PAK3: variants seen among roughly 807,000 people sequenced by gnomAD.
PAK3 encodes the protein serine/threonine-protein kinase PAK 3.
A neutral mutation model predicts 41.0 loss-of-function variants in PAK3; 4 were observed. That is an observed-to-expected ratio of 0.10 (90% CI 0.05 to 0.22). The LOEUF is 0.22. Among genes scored for constraint, PAK3 ranks in the 10% least tolerant of loss-of-function variants. PAK3 has a pLI of 1.00. For missense variants in PAK3, 205 were observed against 409.9 expected (o/e 0.50, Z 4.32); for synonymous variants, 146 against 139.6 (o/e 1.05, Z -0.32).
At chrX:111,169,712 T>A (rs1344552284) in intron 10 of PAK3, among the ~76,000 whole-genome samples, 1 of 111,642 alleles carries the variant, frequency 9.0e-6, no homozygotes, top group Non-Finnish European at 1.9e-5. Context: ...GAACTCTGAC[T>A]TATTCAGTGT....
chrX:111,115,238 T>G (rs1432952575), intron 4 of PAK3, among the ~76,000 whole-genome samples: 3 of 112,349 alleles, frequency 2.7e-5, no homozygotes, highest in Non-Finnish European at 5.6e-5. Flanking sequence ...ATTATGAACT[T>G]GTATAAGCTG....
chrX:111,042,165 G>T (rs1352896630), intron 1 of PAK3, among the ~76,000 whole-genome samples: 2 of 111,743 alleles, frequency 1.8e-5, no homozygotes, highest in African/African-American at 6.5e-5. Flanking sequence ...CTGGAGAGAT[G>T]TGTGGTACCC....
chrX:111,215,214 T>C (rs1342547137), intron 16 of PAK3, among the ~76,000 whole-genome samples: 2 of 111,795 alleles, frequency 1.8e-5, no homozygotes, highest in Non-Finnish European at 3.8e-5. Flanking sequence ...TACTAAATGC[T>C]CTTGAATTGT....
chrX:111,012,304 C>T (rs1399952836), intron 1 of PAK3, among the ~76,000 whole-genome samples: 1 of 111,836 alleles, frequency 8.9e-6, no homozygotes, highest in Non-Finnish European at 1.9e-5. Context: ...CAATAATCAA[C>T]GTATGACCCA....
At chrX:111,210,952 T>C (rs1483569772) in intron 16 of PAK3, among the ~76,000 whole-genome samples, 8 of 111,677 alleles carry the variant, frequency 7.2e-5, no homozygotes, top group Non-Finnish European at 1.3e-4. Context: ...ACCAGAGTGG[T>C]TGGTCACCAT....
chrX:111,038,782 T>C (rs1049038960), intron 1 of PAK3, among the ~76,000 whole-genome samples: 2 of 112,388 alleles, frequency 1.8e-5, no homozygotes, highest in Non-Finnish European at 3.8e-5. Flanking sequence ...TTAATGTTTA[T>C]AATTTGCTTA....
Position 111,152,404 on chromosome X carries a change from T to C in PAK3, c.431-6T>C. The C allele has an allele frequency of 8.6e-7, 1 of 1,161,684 alleles. No individual in the cohort carries two copies. The highest frequency in any genetic ancestry group is 1.2e-6 in the Non-Finnish European group (1 of 850,492). ...CAAAAATGACCTCTCTATTCTCACT[T>C]TGCAGATAAAAGTGCACATGGATAC... On this transcript the variant is annotated splice_region_variant and splice_polypyrimidine_tract_variant and intron_variant, in intron 7 of 17. Transcript: ENST00000372007.
intron 5 of PAK3, among the ~76,000 whole-genome samples, chrX:111,131,111 G>T (rs963674589): frequency 8.9e-6 from 1 of 111,948 alleles, no homozygotes; most frequent in Admixed American, 9.5e-5. Context: ...TTTTACAGAA[G>T]CAAGTAGAAC....
intron 1 of PAK3, among the ~76,000 whole-genome samples, chrX:111,059,324 A>G (rs1283561123): frequency 9.1e-6 from 1 of 109,973 alleles, no homozygotes; most frequent in African/African-American, 3.3e-5. Context: ...ATGCCTGGCT[A>G]ATTATTATTA....
intron 1 of PAK3, among the ~76,000 whole-genome samples, chrX:110,990,069 C>T (rs898604858): frequency 1.8e-5 from 2 of 111,765 alleles, no homozygotes; most frequent in Non-Finnish European, 3.8e-5. Context: ...GCGGTGTCTT[C>T]CGGCAGAGTC....
chrX:111,218,807 G>A (rs1015480242), intron 17 of PAK3, among the ~76,000 whole-genome samples: 4 of 110,979 alleles, frequency 3.6e-5, no homozygotes, highest in Non-Finnish European at 7.5e-5. Context: ...GTAAGAATTA[G>A]CAACAGGAAA....
chrX:111,010,841 G>A (rs1298196512), intron 1 of PAK3, among the ~76,000 whole-genome samples: 1 of 111,837 alleles, frequency 8.9e-6, no homozygotes, highest in Non-Finnish European at 1.9e-5. Flanking sequence ...AAATGGTCTA[G>A]CGCACTAGCC....
At chrX:111,021,902 G>T (rs747455054) in intron 1 of PAK3, among the ~76,000 whole-genome samples, 44 of 110,176 alleles carry the variant, frequency 4.0e-4, no homozygotes, top group Non-Finnish European at 5.7e-4. Flanking sequence ...CTCAGTAATA[G>T]AATCAAACAA....
At chrX:111,167,530 A>G (rs1009238421) in intron 10 of PAK3, among the ~76,000 whole-genome samples, 1 of 111,166 alleles carries the variant, frequency 9.0e-6, no homozygotes, top group African/African-American at 3.3e-5. Flanking sequence ...GGTGAAATGA[A>G]CAGGTCATCT....
chrX:110,992,375 G>A (rs1368044525), intron 1 of PAK3, among the ~76,000 whole-genome samples: 1 of 111,275 alleles, frequency 9.0e-6, no homozygotes, highest in Non-Finnish European at 1.9e-5. Flanking sequence ...GCCATTTCCA[G>A]GGAGTGAGAT....
At chrX:111,165,904 C>G (rs1053306247) in intron 10 of PAK3, among the ~76,000 whole-genome samples, 1 of 111,672 alleles carries the variant, frequency 9.0e-6, no homozygotes, top group South Asian at 3.7e-4. Flanking sequence ...TTATTCTGCT[C>G]TACACTGAGC....
chrX:111,092,623 T>C (rs182853268), upstream of PAK3, among the ~76,000 whole-genome samples: 105 of 111,610 alleles, frequency 9.4e-4, no homozygotes, highest in African/African-American at 2.9e-3. Flanking sequence ...GTCCATGCCT[T>C]GGATGGTGGT....
chrX:110,983,738 G>T (rs995088169), intron 1 of PAK3, among the ~76,000 whole-genome samples: 1 of 111,569 alleles, frequency 9.0e-6, no homozygotes, highest in African/African-American at 3.3e-5. Flanking sequence ...AAGATACAGA[G>T]ACTGATGATC....
At chrX:111,146,411 A>G in intron 6 of PAK3, 1 of 544,483 alleles carries the variant, frequency 1.8e-6, no homozygotes, top group Admixed American at 2.9e-5. Context: ...GCCCCACTTT[A>G]GAAGGGACTC....
Sources: gnomAD v4.1 joint callset for allele counts (sites outside exome capture counted in the v4.1 genomes callset) on GRCh38, gnomAD v4.1.1 for gene constraint, MANE v1.5 for transcripts, NCBI Gene and HGNC (gene_info 2026-07-23, HGNC 2026-07-21) for gene names.